DENND1A: variants seen among roughly 807,000 people sequenced by gnomAD.
DENND1A encodes DENN domain containing 1A, also known as DENN domain-containing protein 1A.
A neutral mutation model predicts 113.7 loss-of-function variants in DENND1A; 51 were observed. That is an observed-to-expected ratio of 0.45 (90% CI 0.36 to 0.57). The LOEUF is 0.57. Ranked by LOEUF, DENND1A falls within the 20% of genes least tolerant of loss-of-function variation. DENND1A has a pLI of 0.00. For missense variants in DENND1A, 1,258 were observed against 1,395.9 expected, an observed-to-expected ratio of 0.90 and a Z score of 1.57; for synonymous variants, 565 against 570.8, an observed-to-expected ratio of 0.99 and a Z score of 0.14.
intron 13 of DENND1A, among the ~76,000 whole-genome samples, chr9:123,522,005 C>T (rs915932574): frequency 3.9e-5 from 6 of 152,242 alleles, no homozygotes; most frequent in African/African-American, 1.4e-4. Context: ...TCCCCAATTA[C>T]ATTCAGGTTA....
intron 2 of DENND1A, among the ~76,000 whole-genome samples, chr9:123,850,327 A>G (rs1382577096): frequency 6.6e-6 from 1 of 152,180 alleles, no homozygotes; most frequent in Non-Finnish European, 1.5e-5. Flanking sequence ...TTTAGACAAG[A>G]TCGTTTGCGA....
In DENND1A at chr9:123,382,176, A is replaced by G. The variant is rs747404763; in HGVS notation, c.2469T>C (p.Thr823=). 1.5e-5 allele frequency: 24 copies of G among 1,609,098 alleles called. No homozygotes were observed. The Admixed American group carries it at 3.5e-4, about 24-fold the overall frequency. ...CAGGGCTGAGCGGCTGGAGCAGTTC[A>G]GTGGGGCCTTGGGGGACAACACCAG... is the stretch of plus-strand genomic sequence containing the variant. ...LLPGVVPQGP[T]ELLQPLSPGP... is the part of the protein sequence containing the mutation. Residue 823 remains threonine (T), a synonymous_variant, in exon 24 of 24, where the codon ACT becomes ACC. Transcript: ENST00000394215.
At chr9:123,678,800 T>C (rs990664919) in intron 5 of DENND1A, among the ~76,000 whole-genome samples, 2 of 152,256 alleles carry the variant, frequency 1.3e-5, no homozygotes, top group Non-Finnish European at 2.9e-5. Context: ...CAGCTGCATA[T>C]TGACTATTAC....
chr9:123,671,311 C>T lies in DENND1A; in HGVS notation c.433G>A (p.Val145Met). 1 of 1,614,088 alleles carries T rather than the reference C, an allele frequency of 6.2e-7. No individual in the cohort carries two copies. Among genetic ancestry groups the T allele is most frequent in the Middle Eastern group, 1.7e-4 (1 of 6,052 alleles). Residue 145 changes from valine (V) to methionine (M), a missense_variant, in exon 7 of 24, where the codon GTG (valine) becomes ATG (methionine). Transcript: ENST00000394215. ...LHKLPIPDPG[V>M]SVHLSVHSYF... Reference sequence around the variant, plus strand: ...CTTACCACGCTGAGATGGACAGACACTCCTGGGTCAGGGATGGGAAGTTTG... The same window carrying T: ...CTTACCACGCTGAGATGGACAGACATTCCTGGGTCAGGGATGGGAAGTTTG...
At chr9:123,573,594 T>C (rs2058473373) in intron 12 of DENND1A, among the ~76,000 whole-genome samples, 1 of 152,132 alleles carries the variant, frequency 6.6e-6, no homozygotes, top group Non-Finnish European at 1.5e-5. Context: ...TCATTTTCAA[T>C]TGCTTGTTAC....
chr9:123,667,452 T>C (rs143255668), intron 7 of DENND1A, among the ~76,000 whole-genome samples: 31 of 152,176 alleles, frequency 2.0e-4, no homozygotes, highest in African/African-American at 6.7e-4. Flanking sequence ...CCGTTTATAC[T>C]GAAAATACAA....
chr9:123,809,964 G>T (rs141626712), intron 2 of DENND1A, among the ~76,000 whole-genome samples: 2 of 152,090 alleles, frequency 1.3e-5, no homozygotes, highest in African/African-American at 4.8e-5. Context: ...AGGAGCCACC[G>T]GTCTGGTCAA....
At chr9:123,581,684 CAGAACAG>C (rs2058904573) in intron 12 of DENND1A, among the ~76,000 whole-genome samples, 1 of 152,206 alleles carries the variant, frequency 6.6e-6, no homozygotes, top group East Asian at 1.9e-4. Flanking sequence ...GCAATCCTTT[CAGAACAG>C]CTACCCACAG....
chr9:123,418,285 A>T (rs764612241), intron 19 of DENND1A, among the ~76,000 whole-genome samples: 15 of 152,206 alleles, frequency 9.9e-5, no homozygotes, highest in Admixed American at 3.3e-4. Flanking sequence ...TGATTGACAC[A>T]GAAGTCCCTG....
Position 123,650,276 on chromosome 9 carries a change from A to T in DENND1A, c.618+1737T>A, listed in dbSNP as rs184044461. ...CATACTAGGCAATTAAAAAAAACTG[A>T]GTTCTTGATGAGCAATCAATAACCA... On this transcript the variant is annotated intron_variant, in intron 9 of 23. Transcript: ENST00000394215. Among the ~76,000 whole-genome samples, 18 of 152,332 alleles carry T rather than the reference A, an allele frequency of 1.2e-4. No homozygotes were observed. In the East Asian group the frequency reaches 3.5e-3, roughly 29 times the overall value.
At chr9:123,843,905 T>C (rs1842191514) in intron 2 of DENND1A, among the ~76,000 whole-genome samples, 1 of 152,140 alleles carries the variant, frequency 6.6e-6, no homozygotes, top group Admixed American at 6.5e-5. Flanking sequence ...GAATGCAAGG[T>C]TGGTTTAACG....
chr9:123,602,853 G>A (rs1025598692), intron 11 of DENND1A, among the ~76,000 whole-genome samples: 12 of 152,238 alleles, frequency 7.9e-5, no homozygotes, highest in African/African-American at 2.9e-4. Context: ...TGTTGTTGTT[G>A]TTTTTAATTT....
At chr9:123,580,058 T>C (rs2058816260) in intron 12 of DENND1A, among the ~76,000 whole-genome samples, 1 of 152,200 alleles carries the variant, frequency 6.6e-6, no homozygotes, top group Non-Finnish European at 1.5e-5. Context: ...GCAACAATTT[T>C]ATTAAAAACA....
At chr9:123,748,111 T>A (rs899603556) in intron 5 of DENND1A, among the ~76,000 whole-genome samples, 1 of 152,234 alleles carries the variant, frequency 6.6e-6, no homozygotes. Context: ...TTCCTTGTAT[T>A]ATAAATCAAT....
Position 123,403,431 on chromosome 9 carries a change from G to A in DENND1A, c.1602C>T (p.Gly534=). Residue 534 remains glycine (G), a synonymous_variant, in exon 21 of 24, where the codon GGC becomes GGT. Transcript: ENST00000394215. The part of the protein sequence containing the change: ...KRPKSNIAVE[G]RRTSVPSPEH... ...CAGGGCTCGGCACAGACGTCCTCCG[G>A]CCTTCCACTGCGATGTTGCTCTTTG... The A allele has an allele frequency of 6.2e-7, 1 of 1,614,178 alleles. No homozygotes were observed. The highest frequency in any genetic ancestry group is 8.5e-7 in the Non-Finnish European group (1 of 1,180,036).
chr9:123,383,215 G>A (rs948577251), intron 23 of DENND1A, among the ~76,000 whole-genome samples: 5 of 152,214 alleles, frequency 3.3e-5, no homozygotes, highest in East Asian at 1.9e-4. Flanking sequence ...GGCACCGAGC[G>A]GGGATGTGAT....
intron 9 of DENND1A, among the ~76,000 whole-genome samples, chr9:123,635,386 C>G (rs2061654246): frequency 6.6e-6 from 1 of 152,212 alleles, no homozygotes; most frequent in South Asian, 2.1e-4. Context: ...GCCACATCGA[C>G]AGTAAGTGAC....
intron 11 of DENND1A, 42 bp from the exon 12 acceptor site, chr9:123,583,312 G>T (rs778821622): frequency 1.3e-6 from 2 of 1,483,084 alleles, no homozygotes; most frequent in Non-Finnish European, 9.4e-7. Context: ...TCATTGAGGT[G>T]CCATCAAGAC....
chr9:123,488,884 T>C (rs2051115752), intron 13 of DENND1A, among the ~76,000 whole-genome samples: 1 of 152,176 alleles, frequency 6.6e-6, no homozygotes, highest in African/African-American at 2.4e-5. Flanking sequence ...AGAGAGGGCC[T>C]GCCGAGCCAC....
Sources: gnomAD v4.1 joint callset for allele counts (sites outside exome capture counted in the v4.1 genomes callset) on GRCh38, gnomAD v4.1.1 for gene constraint, MANE v1.5 for transcripts, NCBI Gene and HGNC (gene_info 2026-07-23, HGNC 2026-07-21) for gene names.